Variants in NKIRAS1 observed in about 807,000 individuals in gnomAD.
NKIRAS1 encodes the protein NFKB inhibitor interacting Ras like 1.
NKIRAS1 carries 16 observed loss-of-function variants against 19.8 expected under a neutral mutation model. That is an observed-to-expected ratio of 0.81 (90% confidence interval 0.55 to 1.23). The LOEUF (loss-of-function observed/expected upper bound fraction) is 1.23, where lower values mean the gene tolerates loss of function less well. NKIRAS1 is among the 50% of genes most tolerant of loss of function. The pLI is 0.00. For synonymous variants in NKIRAS1, 88 were observed against 79.0 expected (o/e 1.11, Z -0.61); for missense variants, 184 against 220.0 (o/e 0.84, Z 1.04).
upstream of NKIRAS1, chr3:23,919,872 T>G (rs1704975339): frequency 9.0e-6 from 9 of 1,001,504 alleles, no homozygotes; most frequent in Non-Finnish European, 1.1e-5. Flanking sequence ...GCTCTGCTGG[T>G]TTATTTTCAA....
At chr3:23,937,672 T>C (rs780572847) in intron 1 of NKIRAS1, among the ~76,000 whole-genome samples, 8 of 152,144 alleles carry the variant, frequency 5.3e-5, no homozygotes, top group Non-Finnish European at 1.2e-4. Context: ...TGAACTGTCA[T>C]GCAACTTTTC....
chr3:23,910,077 T>G (rs1351078471), intron 3 of NKIRAS1, among the ~76,000 whole-genome samples: 6 of 152,074 alleles, frequency 3.9e-5, no homozygotes, highest in African/African-American at 1.4e-4. Context: ...CAGGATGGTC[T>G]TGATCTCTTG....
intron 1 of NKIRAS1, among the ~76,000 whole-genome samples, chr3:23,931,401 G>A (rs1408197959): frequency 6.6e-6 from 1 of 152,026 alleles, no homozygotes; most frequent in Non-Finnish European, 1.5e-5. Flanking sequence ...AAATATAGTC[G>A]TGGCTCACTC....
At position 23,892,940 on chromosome 3, in the gene NKIRAS1, T is replaced by A. The variant is rs532846554; in HGVS notation, c.*155A>T. 9.4e-5 allele frequency: 56 copies of A among 596,578 alleles called. No homozygotes were observed. Among genetic ancestry groups the A allele is most frequent in the African/African-American group, 7.2e-4 (38 of 52,616 alleles). 37.0% of individuals were successfully genotyped at this position (596,578 alleles called of 1,614,324 possible). ...ATAATAACCTTAGCCCAAATACTTT[T>A]AACATCTAAAGTGCATTAATTGACT... On this transcript the variant is annotated 3_prime_UTR_variant, in exon 5 of 5. Coordinates refer to ENST00000425478, the MANE Select transcript of NKIRAS1 (RefSeq NM_020345.4).
At chr3:23,929,866 C>T (rs1705274820) in intron 1 of NKIRAS1, among the ~76,000 whole-genome samples, 1 of 152,018 alleles carries the variant, frequency 6.6e-6, no homozygotes, top group South Asian at 2.1e-4. Flanking sequence ...TAAAAAATTA[C>T]CTGAATCCCA....
intron 1 of NKIRAS1, among the ~76,000 whole-genome samples, chr3:23,941,243 C>T (rs1391739818): frequency 6.6e-6 from 1 of 152,044 alleles, no homozygotes; most frequent in Non-Finnish European, 1.5e-5. Context: ...TCCTAATGCC[C>T]CTCCTTCATC....
At chr3:23,941,046 A>G (rs112669918) in intron 1 of NKIRAS1, among the ~76,000 whole-genome samples, 1 of 152,372 alleles carries the variant, frequency 6.6e-6, no homozygotes, top group African/African-American at 2.4e-5. Context: ...AACAATTTTA[A>G]GAGTGCAGAG....
At chr3:23,894,424 A>C (rs936864049) in intron 4 of NKIRAS1, among the ~76,000 whole-genome samples, 8 of 152,128 alleles carry the variant, frequency 5.3e-5, no homozygotes, top group African/African-American at 1.7e-4. Flanking sequence ...GGCAGGATGA[A>C]AGTGGGCCAG....
intron 1 of NKIRAS1, among the ~76,000 whole-genome samples, chr3:23,942,293 G>T (rs979558771): frequency 6.6e-6 from 1 of 151,680 alleles, no homozygotes; most frequent in Non-Finnish European, 1.5e-5. Context: ...GCAGTACTGT[G>T]AACTTCAGAG....
chr3:23,890,546 G>C lies in NKIRAS1; in HGVS notation c.*2549C>G. ...TGGGAAGTATTGCCACTCAGTATAT[G>C]ACCAACAGAGCAGAACATGACAGAA... On this transcript the variant is annotated 3_prime_UTR_variant, in exon 5 of 5. Coordinates refer to ENST00000425478, the MANE Select transcript of NKIRAS1 (RefSeq NM_020345.4). 1 of 1,613,696 alleles carries C rather than the reference G, an allele frequency of 6.2e-7. No individual in the cohort carries two copies. The highest frequency in any genetic ancestry group is 8.5e-7 in the Non-Finnish European group (1 of 1,179,858).
chr3:23,909,817 A>T lies in NKIRAS1; in HGVS notation c.94+994T>A, dbSNP rs1026410460. ...CCAAACAACTGTTTCTTCCATTTTT[A>T]AAAATCTACATACAGCAGCTCTGCA... On this transcript the variant is annotated intron_variant, in intron 3 of 4. Transcript: ENST00000425478. Among the ~76,000 whole-genome samples the T allele has an allele frequency of 3.9e-5, 6 of 152,252 alleles. No individual in the cohort carries two copies. The East Asian group carries it at 1.2e-3, about 29-fold the overall frequency.
chr3:23,914,464 T>C (rs181402620), intron 1 of NKIRAS1, among the ~76,000 whole-genome samples: 1 of 152,374 alleles, frequency 6.6e-6, no homozygotes. Context: ...GTCAACATTA[T>C]GTATAGTGTG....
chr3:23,919,901 G>A, upstream of NKIRAS1: 1 of 993,052 alleles, frequency 1.0e-6, no homozygotes. Flanking sequence ...GTTTTTTTTA[G>A]TTTGGCAGGT....
At chr3:23,946,228 C>T (rs974232909) in intron 1 of NKIRAS1, 5 of 985,440 alleles carry the variant, frequency 5.1e-6, no homozygotes, top group Non-Finnish European at 3.6e-6. Flanking sequence ...CGCAGTGCAC[C>T]GGACGCCGCA....
At chr3:23,939,542 G>T (rs1260646686) in intron 1 of NKIRAS1, among the ~76,000 whole-genome samples, 4 of 152,142 alleles carry the variant, frequency 2.6e-5, no homozygotes, top group Non-Finnish European at 5.9e-5. Context: ...AGGAGTTCGA[G>T]AACAGCCTGA....
intron 3 of NKIRAS1, among the ~76,000 whole-genome samples, chr3:23,909,011 A>C (rs1703369117): frequency 6.6e-6 from 1 of 152,020 alleles, no homozygotes; most frequent in Non-Finnish European, 1.5e-5. Flanking sequence ...TTTAATTTCT[A>C]ATACAGTAAA....
chr3:23,926,313 A>G lies in NKIRAS1; in HGVS notation c.-139-14863T>C, dbSNP rs2125263954. On this transcript the variant is annotated intron_variant, in intron 1 of 4. Transcript: ENST00000421515. This position sits in a 1 kb window ranked among gnomAD's most constrained non-coding sequence, Gnocchi z 4.3. ...GTGATCCACCTGCCTTGGACTCCCA[A>G]AGTGCTGGGATTATAGGTATGAGCC... Among the ~76,000 whole-genome samples, 1 of 152,262 alleles carries G rather than the reference A, an allele frequency of 6.6e-6. No homozygotes were observed. The highest frequency in any genetic ancestry group is 2.4e-5 in the African/African-American group (1 of 41,556).
At chr3:23,943,230 T>C (rs1050506206) in intron 1 of NKIRAS1, among the ~76,000 whole-genome samples, 1 of 152,242 alleles carries the variant, frequency 6.6e-6, no homozygotes, top group African/African-American at 2.4e-5. Context: ...TCTCCAGTTT[T>C]GCCTTTTCTT....
chr3:23,894,116 A>C (rs911025450), intron 4 of NKIRAS1, among the ~76,000 whole-genome samples: 9 of 152,194 alleles, frequency 5.9e-5, no homozygotes, highest in African/African-American at 2.2e-4. Flanking sequence ...AAAAACAAAA[A>C]AAGTATGTGC....
Sources: gnomAD v4.1 joint callset for allele counts (sites outside exome capture counted in the v4.1 genomes callset) on GRCh38, gnomAD v4.1.1 for gene constraint, Gnocchi (gnomAD v3.1) non-coding constraint, MANE v1.5 for transcripts, NCBI Gene and HGNC (gene_info 2026-07-23, HGNC 2026-07-21) for gene names.